The following KALRN variants were observed in gnomAD, a reference collection of about 807,000 sequenced individuals.
KALRN encodes the protein kalirin RhoGEF kinase.
A neutral mutation model predicts 353.7 loss-of-function variants in KALRN; 70 were observed. The observed-to-expected ratio is 0.20, with a 90% CI of 0.16 to 0.24. The LOEUF is 0.24. KALRN is among the 10% of genes least tolerant of loss of function. The probability of loss-of-function intolerance (pLI) is 1.00; values close to 1 mark genes in which losing one functional copy is unlikely to be tolerated. For synonymous variants in KALRN, 1,391 were observed against 1,434.8 expected (o/e 0.97, Z 0.69); for missense variants, 2,791 against 3,756.7 (o/e 0.74, Z 6.72).
chr3:124,149,851 T>G (rs2067855023), intron 1 of KALRN, among the ~76,000 whole-genome samples: 2 of 152,116 alleles, frequency 1.3e-5, no homozygotes, highest in African/African-American at 4.8e-5. Context: ...CACGGCAGAG[T>G]AGGGAAACAT....
At chr3:124,408,974 G>A (rs897410482) in intron 13 of KALRN, among the ~76,000 whole-genome samples, 1 of 152,184 alleles carries the variant, frequency 6.6e-6, no homozygotes, top group Non-Finnish European at 1.5e-5. Flanking sequence ...TCTTTTTGAA[G>A]TGAGGCTTCC....
intron 34 of KALRN, among the ~76,000 whole-genome samples, chr3:124,600,809 T>G (rs1448053277): frequency 6.6e-6 from 1 of 152,182 alleles, no homozygotes; most frequent in African/African-American, 2.4e-5. Context: ...CTACCTTGAG[T>G]GCATGTGTTT....
At chr3:124,717,928 T>C (rs7619625) in intron 59 of KALRN, among the ~76,000 whole-genome samples, 498 of 150,992 alleles carry the variant, frequency 3.3e-3, no homozygotes, top group African/African-American at 0.011. Context: ...TCTCCTGCCT[T>C]AGCCTCCCAA....
At chr3:124,698,062 T>C (rs1042101491) in intron 55 of KALRN, among the ~76,000 whole-genome samples, 4 of 152,136 alleles carry the variant, frequency 2.6e-5, no homozygotes, top group Non-Finnish European at 5.9e-5. Flanking sequence ...CTCCACCTCC[T>C]GGGCTCAAGC....
intron 33 of KALRN, chr3:124,518,618 A>G: frequency 6.6e-7 from 1 of 1,515,758 alleles, no homozygotes; most frequent in Non-Finnish European, 8.8e-7. Context: ...TGTTCCAAGC[A>G]AAATCTCCCC....
At chr3:124,215,238 T>C (rs1254113128) in intron 1 of KALRN, among the ~76,000 whole-genome samples, 1 of 152,130 alleles carries the variant, frequency 6.6e-6, no homozygotes, top group Non-Finnish European at 1.5e-5. Context: ...CTGGGGCACC[T>C]GGGTAGGGGA....
At chr3:124,408,107 A>C (rs1194845573) in intron 13 of KALRN, among the ~76,000 whole-genome samples, 1 of 152,202 alleles carries the variant, frequency 6.6e-6, no homozygotes, top group Non-Finnish European at 1.5e-5. Flanking sequence ...GAAATACTGG[A>C]GGAAGGCAGT....
chr3:124,108,733 G>A lies in KALRN; in HGVS notation c.73+74920G>A, dbSNP rs115648157. ...TCTACTGAACCAAGTTGAACATGTA[G>A]TATGAGCAAATATTAATCTTATTTT... On this transcript the variant is annotated intron_variant, in intron 1 of 59. Transcript: ENST00000682506. 3.0e-3 allele frequency among the ~76,000 whole-genome samples: 450 copies of A among 152,302 alleles called. 6 individuals are homozygous for A. Among genetic ancestry groups the A allele is most frequent in the African/African-American group, 0.01 (433 of 41,574 alleles).
intron 33 of KALRN, among the ~76,000 whole-genome samples, chr3:124,499,362 A>G (rs975283810): frequency 2.0e-5 from 3 of 152,240 alleles, no homozygotes; most frequent in African/African-American, 4.8e-5. Flanking sequence ...AAGCAAAGAT[A>G]ATAATACCTA....
intron 51 of KALRN, among the ~76,000 whole-genome samples, chr3:124,690,194 TA>T (rs1480018888): frequency 6.6e-6 from 1 of 151,752 alleles, no homozygotes; most frequent in African/African-American, 2.4e-5. Flanking sequence ...AAAGAGAAAA[TA>T]AAAAATTTAA....
chr3:124,266,084 C>T (rs967567657), intron 4 of KALRN, among the ~76,000 whole-genome samples: 3 of 152,152 alleles, frequency 2.0e-5, no homozygotes, highest in African/African-American at 7.2e-5. Context: ...TATTGCATTC[C>T]AGCCTGGGTG....
chr3:124,038,969 C>A (rs1284966279), intron 1 of KALRN, among the ~76,000 whole-genome samples: 4 of 152,268 alleles, frequency 2.6e-5, no homozygotes, highest in Admixed American at 2.6e-4. Context: ...CATATGCCCC[C>A]ATGGACTCCT....
intron 10 of KALRN, among the ~76,000 whole-genome samples, chr3:124,363,592 T>C (rs2084305917): frequency 6.6e-6 from 1 of 152,170 alleles, no homozygotes; most frequent in South Asian, 2.1e-4. Flanking sequence ...GTGGATGAGA[T>C]CATGTCTGGA....
intron 16 of KALRN, 125 bp from the exon 17 acceptor site, chr3:124,434,182 A>C: frequency 6.3e-6 from 4 of 639,750 alleles, no homozygotes; most frequent in Non-Finnish European, 1.1e-5. Flanking sequence ...GGTCATGACA[A>C]AATGGATCAG....
chr3:124,283,813 CT>C (rs56332338), intron 5 of KALRN, among the ~76,000 whole-genome samples: 69,463 of 151,806 alleles, frequency 0.46, 17,244 homozygotes, highest in Non-Finnish European at 0.56. Context: ...TGCAGCTCAT[CT>C]GTCAAGAACA....
intron 1 of KALRN, among the ~76,000 whole-genome samples, chr3:124,160,014 T>A (rs757588353): frequency 6.6e-6 from 1 of 151,512 alleles, no homozygotes; most frequent in Non-Finnish European, 1.5e-5. Context: ...TTGACATACC[T>A]TGGTGAAGGA....
chr3:124,654,882 C>A (rs1391207915), intron 38 of KALRN, among the ~76,000 whole-genome samples: 1 of 152,156 alleles, frequency 6.6e-6, no homozygotes, highest in African/African-American at 2.4e-5. Context: ...AAGGGAGTGG[C>A]ACATAGTAAA....
chr3:124,176,609 A>G (rs142880039), intron 1 of KALRN, among the ~76,000 whole-genome samples: 2 of 152,298 alleles, frequency 1.3e-5, no homozygotes, highest in South Asian at 2.1e-4. Context: ...AGGAGAAGCT[A>G]GGAGTCCCGG....
intron 1 of KALRN, among the ~76,000 whole-genome samples, chr3:124,049,286 A>G (rs553559386): frequency 1.3e-5 from 2 of 152,186 alleles, no homozygotes; most frequent in South Asian, 4.1e-4. Flanking sequence ...GCTGTTGGCT[A>G]GGAGACTCCA....
Sources: allele counts gnomAD v4.1 joint callset (sites outside exome capture counted in the v4.1 genomes callset), GRCh38; gene constraint gnomAD v4.1.1; transcripts MANE v1.5; gene names NCBI Gene and HGNC (gene_info 2026-07-23, HGNC 2026-07-21).